The following LRMDA variants were observed in gnomAD, a reference collection of about 807,000 sequenced individuals.
LRMDA encodes the protein leucine-rich melanocyte differentiation-associated protein.
LRMDA carries 18 observed loss-of-function variants against 29.8 expected under a neutral mutation model. The ratio of observed to expected loss-of-function variants is 0.60; its 90% CI spans 0.42 to 0.90. The LOEUF (loss-of-function observed/expected upper bound fraction) is 0.90. LRMDA is among the 40% of genes least tolerant of loss of function. LRMDA has a pLI of 0.00. For missense variants in LRMDA, 273 were observed against 273.9 expected (o/e 1.00, Z 0.02); for synonymous variants, 125 against 109.4 (o/e 1.14, Z -0.89).
intron 5 of LRMDA, among the ~76,000 whole-genome samples, chr10:76,317,431 T>G (rs1414639677): frequency 6.6e-6 from 1 of 152,196 alleles, no homozygotes; most frequent in Non-Finnish European, 1.5e-5. Context: ...TTGAAAAATA[T>G]TTGATGGACT....
intron 5 of LRMDA, among the ~76,000 whole-genome samples, chr10:76,163,054 T>C (rs775267802): frequency 6.6e-6 from 1 of 152,320 alleles, no homozygotes; most frequent in Non-Finnish European, 1.5e-5. Flanking sequence ...TGGGAAATTA[T>C]GTGAATATTA....
intron 2 of LRMDA, among the ~76,000 whole-genome samples, chr10:75,751,224 A>C (rs1842964529): frequency 6.6e-6 from 1 of 152,098 alleles, no homozygotes. Flanking sequence ...CTGAGGCAGG[A>C]GAATCAGGCA....
chr10:76,415,320 G>A (rs774443604), intron 6 of LRMDA, among the ~76,000 whole-genome samples: 24 of 152,194 alleles, frequency 1.6e-4, no homozygotes, highest in Non-Finnish European at 2.9e-4. Flanking sequence ...CTGCTACAAG[G>A]GCTTTCTGTC....
chr10:76,057,182 A>T (rs1848629501), intron 4 of LRMDA, among the ~76,000 whole-genome samples: 1 of 152,214 alleles, frequency 6.6e-6, no homozygotes, highest in South Asian at 2.1e-4. Context: ...TTCAGTCAGT[A>T]GACCTCTTGC....
rs1481623194 is a variant in LRMDA at position 75,487,859 on chromosome 10, A to T, written c.131+49365A>T. ...TCCATGCAGGCCCTGAGAATGGAGC[A>T]TCCTGAGTGGACTGGTAGAGATGGG... is the stretch of plus-strand genomic sequence containing the variant. On this transcript the variant is annotated intron_variant, in intron 2 of 6. Transcript: ENST00000611255. Among the ~76,000 whole-genome samples the T allele has an allele frequency of 2.6e-5, 4 of 152,326 alleles. No individual in the cohort carries two copies. The East Asian group carries it at 7.7e-4, about 29-fold the overall frequency.
intron 5 of LRMDA, among the ~76,000 whole-genome samples, chr10:76,066,600 C>T (rs1425964747): frequency 6.6e-6 from 1 of 152,130 alleles, no homozygotes; most frequent in Non-Finnish European, 1.5e-5. Flanking sequence ...ATTAACAAGG[C>T]ATACATTTCT....
At chr10:76,197,992 G>A (rs963216450) in intron 5 of LRMDA, among the ~76,000 whole-genome samples, 2 of 152,036 alleles carry the variant, frequency 1.3e-5, no homozygotes, top group African/African-American at 4.8e-5. Flanking sequence ...TTTGTCCTTG[G>A]GGCCTCCTGA....
At chr10:75,575,834 T>C (rs1314955587) in intron 2 of LRMDA, among the ~76,000 whole-genome samples, 2 of 151,984 alleles carry the variant, frequency 1.3e-5, no homozygotes, top group East Asian at 1.9e-4. Context: ...CCGGCCCAGA[T>C]ACTGAGCTTT....
chr10:76,499,917 C>G lies in LRMDA; in HGVS notation c.602-57292C>G, dbSNP rs1842899270. Among the ~76,000 whole-genome samples, 2 of 75,144 alleles carry G rather than the reference C, an allele frequency of 2.7e-5. 1 individual carries two copies. Among genetic ancestry groups the G allele is most frequent in the South Asian group, 7.0e-4 (2 of 2,848 alleles). The allele number at this position is 75,144 out of a possible 152,430, so 49.3% of individuals were successfully genotyped here. ...ATAGGGTCTCACTCTGTAACCTAGA[C>G]TGAGGGCACTGGCATGATTGTAGCT... On this transcript the variant is annotated intron_variant, in intron 6 of 6. Transcript: ENST00000611255.
At chr10:75,877,465 G>A (rs547773663) in intron 2 of LRMDA, among the ~76,000 whole-genome samples, 14 of 152,318 alleles carry the variant, frequency 9.2e-5, no homozygotes, top group Non-Finnish European at 1.5e-4. Context: ...CTTAGATTGC[G>A]TGTGAGCTCC....
chr10:76,141,155 T>G (rs1850192212), intron 5 of LRMDA, among the ~76,000 whole-genome samples: 1 of 152,084 alleles, frequency 6.6e-6, no homozygotes, highest in South Asian at 2.1e-4. Context: ...AGGCTCAAAC[T>G]TTCAGAAGAG....
At chr10:75,680,173 C>T (rs543230603) in intron 2 of LRMDA, among the ~76,000 whole-genome samples, 5 of 152,322 alleles carry the variant, frequency 3.3e-5, no homozygotes, top group Non-Finnish European at 5.9e-5. Context: ...AGTGCTGTAA[C>T]AAGATCCCCC....
At chr10:75,796,035 A>G (rs368106236) in intron 2 of LRMDA, among the ~76,000 whole-genome samples, 2 of 152,198 alleles carry the variant, frequency 1.3e-5, no homozygotes, top group African/African-American at 4.8e-5. Flanking sequence ...TGATTTTTGT[A>G]TATTAACTTT....
chr10:76,228,147 G>A (rs12775764), intron 5 of LRMDA, among the ~76,000 whole-genome samples: 22,836 of 151,514 alleles, frequency 0.15, 2,371 homozygotes, highest in East Asian at 0.49. Context: ...TCAGCCTCCC[G>A]AGTAGCTGGG....
chr10:76,143,312 T>G (rs1850242419), intron 5 of LRMDA, among the ~76,000 whole-genome samples: 1 of 152,220 alleles, frequency 6.6e-6, no homozygotes, highest in Admixed American at 6.5e-5. Context: ...CCACCAACAG[T>G]GTAAAAGTGT....
chr10:76,021,907 G>A (rs1483633644), intron 2 of LRMDA, among the ~76,000 whole-genome samples: 5 of 152,122 alleles, frequency 3.3e-5, no homozygotes, highest in South Asian at 2.1e-4. Flanking sequence ...TCAATGTTGC[G>A]CTTTGCATAC....
chr10:75,626,378 G>T (rs1192017515), intron 2 of LRMDA, among the ~76,000 whole-genome samples: 2 of 152,162 alleles, frequency 1.3e-5, no homozygotes, highest in African/African-American at 2.4e-5. Context: ...CTGGTCAGGG[G>T]TAGGGGGCAA....
chr10:76,495,820 T>TCTACTACTGATGGGC (rs1363181945), intron 6 of LRMDA, among the ~76,000 whole-genome samples: 1 of 78,334 alleles, frequency 1.3e-5, no homozygotes. Context: ...CCATTTTCAG[T>TCTACTACTGATGGGC]ATATAGAAAA....
chr10:75,855,899 G>C (rs2132316126), intron 2 of LRMDA, among the ~76,000 whole-genome samples: 1 of 152,196 alleles, frequency 6.6e-6, no homozygotes, highest in African/African-American at 2.4e-5. Context: ...ATTTCTGAGG[G>C]CTCTGTTCTG....
Sources: allele counts gnomAD v4.1 joint callset (sites outside exome capture counted in the v4.1 genomes callset), GRCh38; gene constraint gnomAD v4.1.1; transcripts MANE v1.5; gene names NCBI Gene and HGNC (gene_info 2026-07-23, HGNC 2026-07-21).